Variants in STK32B observed in about 807,000 individuals in gnomAD.
STK32B encodes the protein serine/threonine-protein kinase 32B.
In STK32B, 43 loss-of-function variants were observed where a neutral mutation model predicts 52.6. That is an observed-to-expected ratio of 0.82 (90% CI 0.64 to 1.05). The LOEUF (loss-of-function observed/expected upper bound fraction) is 1.05, where lower values mean the gene tolerates loss of function less well. STK32B is among the 50% of genes least tolerant of loss of function. The probability of loss-of-function intolerance (pLI) is 0.00; values close to 1 mark genes in which losing one functional copy is unlikely to be tolerated. For missense variants in STK32B, 621 were observed against 534.6 expected, an observed-to-expected ratio of 1.16 and a Z score of -1.59; for synonymous variants, 238 against 204.3, an observed-to-expected ratio of 1.17 and a Z score of -1.41.
At chr4:5,410,989 G>T (rs1363762929) in intron 5 of STK32B, among the ~76,000 whole-genome samples, 1 of 151,806 alleles carries the variant, frequency 6.6e-6, no homozygotes, top group Non-Finnish European at 1.5e-5. Context: ...GCAGTGTGAG[G>T]CCTGTTTCAT....
intron 3 of STK32B, among the ~76,000 whole-genome samples, chr4:5,309,804 T>G (rs1465653111): frequency 6.6e-6 from 1 of 152,186 alleles, no homozygotes; most frequent in African/African-American, 2.4e-5. Context: ...GGGAAATGCT[T>G]CAGGACATTG....
chr4:5,455,305 C>T (rs566742334), intron 7 of STK32B, among the ~76,000 whole-genome samples: 151 of 152,344 alleles, frequency 9.9e-4, no homozygotes, highest in African/African-American at 3.4e-3. Context: ...TTAAGTGCCG[C>T]AGTGTTACCC....
intron 3 of STK32B, among the ~76,000 whole-genome samples, chr4:5,267,931 G>A (rs1003464811): frequency 3.7e-4 from 57 of 152,306 alleles, no homozygotes; most frequent in African/African-American, 1.3e-3. Context: ...GAGTAGGGAG[G>A]ATGGTTACCG....
At chr4:5,122,145 C>T (rs1307200091) in intron 1 of STK32B, among the ~76,000 whole-genome samples, 1 of 150,904 alleles carries the variant, frequency 6.6e-6, no homozygotes, top group African/African-American at 2.5e-5. Flanking sequence ...CTCACACACT[C>T]ATTCACTCCT....
At chr4:5,198,911 C>CAGTGTTTATACAA (rs201284550) in intron 3 of STK32B, among the ~76,000 whole-genome samples, 1,573 of 152,268 alleles carry the variant, frequency 0.01, 25 homozygotes, top group African/African-American at 0.035. Context: ...GGTGGCTGAT[C>CAGTGTTTATACAA]CTGTCTTTCC....
At chr4:5,297,851 G>A (rs1019732011) in intron 3 of STK32B, among the ~76,000 whole-genome samples, 1 of 152,090 alleles carries the variant, frequency 6.6e-6, no homozygotes, top group Non-Finnish European at 1.5e-5. Flanking sequence ...TGCTTTGGGA[G>A]AGAAGAGGCA....
Position 5,493,135 on chromosome 4 carries a change from A to T in STK32B, c.1107-5810A>T, listed in dbSNP as rs573315016. Among the ~76,000 whole-genome samples, 98 of 151,808 alleles carry T rather than the reference A, an allele frequency of 6.5e-4. 1 individual carries two copies. The highest frequency in any genetic ancestry group is 2.2e-3 in the African/African-American group (92 of 41,142). On this transcript the variant is annotated intron_variant, in intron 11 of 11. Coordinates refer to ENST00000282908, the MANE Select transcript of STK32B (RefSeq NM_018401.3). ...GATTCCCTCTTTTTCTATTGATTGG[A>T]ATAGTTTCAGAAGGAATGGTACTAG...
At chr4:5,193,532 C>G (rs574682746) in intron 3 of STK32B, among the ~76,000 whole-genome samples, 1 of 152,344 alleles carries the variant, frequency 6.6e-6, no homozygotes, top group Admixed American at 6.5e-5. Flanking sequence ...CTGCGTCATG[C>G]AGCCTGCAGA....
chr4:5,224,181 G>A lies in STK32B; in HGVS notation c.260+55731G>A, dbSNP rs567961028. 2.1e-3 allele frequency among the ~76,000 whole-genome samples: 320 copies of A among 152,278 alleles called. 1 individual carries two copies. The highest frequency in any genetic ancestry group is 3.6e-3 in the Non-Finnish European group (248 of 68,028). Reference sequence around the variant, plus strand: ...GGGATGAAATGATTATATTTTGTACGTGAGAAGAATATGAATTTTGGAGTC... The same window carrying A: ...GGGATGAAATGATTATATTTTGTACATGAGAAGAATATGAATTTTGGAGTC... On this transcript the variant is annotated intron_variant, in intron 3 of 11. Transcript: ENST00000282908.
At chr4:5,289,571 T>C (rs1728756222) in intron 3 of STK32B, among the ~76,000 whole-genome samples, 1 of 152,032 alleles carries the variant, frequency 6.6e-6, no homozygotes, top group African/African-American at 2.4e-5. Flanking sequence ...GTGATAACTC[T>C]TTACACCCAA....
chr4:5,334,889 T>C (rs1282955833), intron 4 of STK32B, among the ~76,000 whole-genome samples: 2 of 152,028 alleles, frequency 1.3e-5, no homozygotes, highest in Admixed American at 6.5e-5. Flanking sequence ...CAGTATTTTA[T>C]TGAGGATTTT....
At chr4:5,037,629 G>A in the STK32B span, among the ~76,000 whole-genome samples, 1 of 152,132 alleles carries the variant, frequency 6.6e-6, no homozygotes, top group Non-Finnish European at 1.5e-5. Context: ...CTGAGAAAGG[G>A]CTCTGACAAA....
At chr4:5,191,842 T>C (rs556507534) in intron 3 of STK32B, among the ~76,000 whole-genome samples, 22 of 152,318 alleles carry the variant, frequency 1.4e-4, no homozygotes, top group African/African-American at 4.8e-4. Context: ...AGCACATGAA[T>C]GGTTAAAGAA....
At chr4:5,223,352 G>A (rs925587081) in intron 3 of STK32B, among the ~76,000 whole-genome samples, 2 of 152,160 alleles carry the variant, frequency 1.3e-5, no homozygotes, top group Admixed American at 6.5e-5. Flanking sequence ...CATGAAGGCA[G>A]GTCTCCCCTG....
Position 5,161,669 on chromosome 4 carries a change from C to A in STK32B, c.109-6630C>A, listed in dbSNP as rs557126526. Among the ~76,000 whole-genome samples the A allele has an allele frequency of 3.3e-5, 5 of 152,228 alleles. No individual in the cohort carries two copies. In the South Asian group the frequency reaches 1.0e-3, roughly 32 times the overall value. On this transcript the variant is annotated intron_variant, in intron 2 of 11. Transcript: ENST00000282908. ...TGTATAGAACGGATCACATTGCTTT[C>A]TTGAAGTAAATGGTCCTGCTATAAA...
intron 4 of STK32B, among the ~76,000 whole-genome samples, chr4:5,393,971 G>A (rs116801070): frequency 0.013 from 1,973 of 152,120 alleles, 22 homozygotes; most frequent in South Asian, 0.057. Flanking sequence ...TTTTTACTTC[G>A]CTTAGTCTAG....
At chr4:5,447,004 T>C (rs1376704593) in intron 7 of STK32B, 1 of 482,868 alleles carries the variant, frequency 2.1e-6, no homozygotes, top group Non-Finnish European at 3.8e-6. Flanking sequence ...TGGGGGAGGG[T>C]CTTACACAAA....
At chr4:5,430,384 G>C (rs1577485412) in intron 6 of STK32B, among the ~76,000 whole-genome samples, 1 of 152,090 alleles carries the variant, frequency 6.6e-6, no homozygotes, top group East Asian at 1.9e-4. Flanking sequence ...CTGGCACTAT[G>C]TTTTTGCATT....
chr4:5,286,145 C>T (rs141312748), intron 3 of STK32B, among the ~76,000 whole-genome samples: 2 of 152,118 alleles, frequency 1.3e-5, no homozygotes, highest in Non-Finnish European at 2.9e-5. Context: ...AAATTTCTGT[C>T]GTTTAAGCCA....
Sources: allele counts gnomAD v4.1 joint callset (sites outside exome capture counted in the v4.1 genomes callset), GRCh38; gene constraint gnomAD v4.1.1; transcripts MANE v1.5; gene names NCBI Gene and HGNC (gene_info 2026-07-23, HGNC 2026-07-21).